Variants in RAI14 observed in about 807,000 individuals in gnomAD.
RAI14 encodes retinoic acid induced 14, also known as ankycorbin.
RAI14 carries 45 observed loss-of-function variants against 115.4 expected under a neutral mutation model. The observed-to-expected ratio is 0.39, with a 90% CI of 0.31 to 0.50. The LOEUF is 0.50. Ranked by LOEUF, RAI14 falls within the 20% of genes least tolerant of loss-of-function variation. The pLI, the probability that RAI14 is intolerant of heterozygous loss-of-function variation, is 0.85. For synonymous variants in RAI14, 371 were observed against 415.4 expected, an observed-to-expected ratio of 0.89 and a Z score of 1.30; for missense variants, 939 against 1,131.2, an observed-to-expected ratio of 0.83 and a Z score of 2.44.
intron 2 of RAI14, among the ~76,000 whole-genome samples, chr5:34,713,837 G>A (rs750619512): frequency 2.0e-5 from 3 of 151,934 alleles, no homozygotes; most frequent in African/African-American, 4.8e-5. Flanking sequence ...ATGGAGTCTC[G>A]CTCTGTCACC....
At chr5:34,782,665 C>T (rs1281488139) in intron 3 of RAI14, among the ~76,000 whole-genome samples, 8 of 152,150 alleles carry the variant, frequency 5.3e-5, no homozygotes, top group Non-Finnish European at 1.2e-4. Flanking sequence ...ATGTTTAGCT[C>T]CTACAGTGGG....
intron 2 of RAI14, among the ~76,000 whole-genome samples, chr5:34,749,610 C>T (rs1746732940): frequency 6.6e-6 from 1 of 152,192 alleles, no homozygotes; most frequent in Non-Finnish European, 1.5e-5. Context: ...AAGAGAAAAC[C>T]TTTAAGTAAG....
intron 5 of RAI14, among the ~76,000 whole-genome samples, chr5:34,805,430 C>CT (rs1754759930): frequency 6.6e-6 from 1 of 152,216 alleles, no homozygotes; most frequent in Admixed American, 6.5e-5. Flanking sequence ...GCTCTCCAGG[C>CT]TTTTGCTCTT....
At chr5:34,790,799 ATATT>A (rs1752837491) in intron 3 of RAI14, among the ~76,000 whole-genome samples, 1 of 149,822 alleles carries the variant, frequency 6.7e-6, no homozygotes, top group African/African-American at 2.4e-5. Flanking sequence ...ATAGTATAGA[ATATT>A]TAGTAAATTT....
intron 3 of RAI14, among the ~76,000 whole-genome samples, chr5:34,760,007 TTTG>T (rs947327120): frequency 2.6e-5 from 4 of 152,246 alleles, no homozygotes; most frequent in Non-Finnish European, 4.4e-5. Context: ...GGAGTGCTTC[TTTG>T]TTGTTGTTGT....
At chr5:34,672,358 G>A (rs1743678565) in intron 1 of RAI14, among the ~76,000 whole-genome samples, 1 of 152,186 alleles carries the variant, frequency 6.6e-6, no homozygotes, top group Non-Finnish European at 1.5e-5. Context: ...TTAGATGCAA[G>A]GTATGTAGGT....
At chr5:34,804,562 G>A (rs1013733184) in intron 5 of RAI14, among the ~76,000 whole-genome samples, 4 of 152,162 alleles carry the variant, frequency 2.6e-5, no homozygotes, top group African/African-American at 9.7e-5. Flanking sequence ...CTTTAATTTG[G>A]CTTTGAAATT....
At chr5:34,785,968 G>T (rs547219802) in intron 3 of RAI14, among the ~76,000 whole-genome samples, 5 of 152,064 alleles carry the variant, frequency 3.3e-5, no homozygotes, top group Admixed American at 1.3e-4. Flanking sequence ...TATCATCCCC[G>T]CTGGCAAGGG....
In RAI14 at chr5:34,813,663, A is replaced by G. The variant is rs543847464; in HGVS notation, c.852+3A>G. The G allele has an allele frequency of 6.3e-7, 1 of 1,597,468 alleles. No individual in the cohort carries two copies. Among genetic ancestry groups the G allele is most frequent in the African/African-American group, 1.3e-5 (1 of 74,404 alleles). The stretch of plus-strand genomic sequence containing the variant: ...CACCTCCTATCAGTCCTACCCAGGT[A>G]AAAACAAAAGCAAACCAACAATCAA... On this transcript the variant is annotated splice_donor_region_variant and intron_variant, in intron 11 of 17. Transcript: ENST00000265109.
intron 3 of RAI14, among the ~76,000 whole-genome samples, chr5:34,787,848 G>T (rs1752476792): frequency 8.0e-6 from 1 of 124,470 alleles, no homozygotes; most frequent in South Asian, 2.5e-4. Flanking sequence ...TATATACATT[G>T]CCTTTAATGG....
intron 2 of RAI14, among the ~76,000 whole-genome samples, chr5:34,703,365 G>A (rs1400932821): frequency 1.3e-5 from 2 of 152,142 alleles, no homozygotes; most frequent in African/African-American, 4.8e-5. Context: ...AACCACTTAA[G>A]TAAAAATTTG....
At chr5:34,680,522 AC>A (rs767601631) in intron 1 of RAI14, among the ~76,000 whole-genome samples, 12 of 152,190 alleles carry the variant, frequency 7.9e-5, no homozygotes, top group South Asian at 4.1e-4. Context: ...ATCCCTTAAT[AC>A]TATTACATTG....
intron 2 of RAI14, among the ~76,000 whole-genome samples, chr5:34,718,858 G>T (rs1406233482): frequency 6.6e-6 from 1 of 152,182 alleles, no homozygotes; most frequent in Non-Finnish European, 1.5e-5. Context: ...CGCAGGAAAG[G>T]TGGCACTTAA....
intron 1 of RAI14, among the ~76,000 whole-genome samples, chr5:34,666,007 A>G (rs1743180521): frequency 6.6e-6 from 1 of 152,204 alleles, no homozygotes; most frequent in African/African-American, 2.4e-5. Flanking sequence ...TATGCAATGA[A>G]AAGGTGGTTT....
At chr5:34,795,608 A>G (rs1349976563) in intron 3 of RAI14, among the ~76,000 whole-genome samples, 2 of 152,220 alleles carry the variant, frequency 1.3e-5, no homozygotes, top group Non-Finnish European at 2.9e-5. Context: ...TAGAAATTCA[A>G]CCTAGTTGGG....
chr5:34,781,625 T>G (rs1355215240), intron 3 of RAI14, among the ~76,000 whole-genome samples: 1 of 152,224 alleles, frequency 6.6e-6, no homozygotes, highest in African/African-American at 2.4e-5. Flanking sequence ...AAATTGGAGC[T>G]CTCATGAATT....
intron 3 of RAI14, among the ~76,000 whole-genome samples, chr5:34,762,678 C>T (rs1381388517): frequency 2.0e-5 from 3 of 152,130 alleles, no homozygotes; most frequent in South Asian, 2.1e-4. Flanking sequence ...TCAGGCCTGG[C>T]GTGCCTCTGC....
At chr5:34,762,542 A>G (rs1378784469) in intron 3 of RAI14, among the ~76,000 whole-genome samples, 1 of 152,226 alleles carries the variant, frequency 6.6e-6, no homozygotes, top group Non-Finnish European at 1.5e-5. Flanking sequence ...GTTAAAAAAA[A>G]AGTAAAAGCA....
Position 34,731,508 on chromosome 5 carries a change from G to A in RAI14, c.37-25960G>A, listed in dbSNP as rs543652795. Among the ~76,000 whole-genome samples the A allele has an allele frequency of 2.0e-5, 3 of 152,278 alleles. No homozygotes were observed. In the East Asian group the frequency reaches 5.8e-4, roughly 29 times the overall value. ...AACGGGCAAGAGAAAATGGCCTTGG[G>A]ACTTTTGACCTGTGGAAGTTTTGCA... On this transcript the variant is annotated intron_variant, in intron 2 of 17. Coordinates refer to ENST00000265109, the MANE Select transcript of RAI14 (RefSeq NM_015577.3).
Sources: allele counts gnomAD v4.1 joint callset (sites outside exome capture counted in the v4.1 genomes callset), GRCh38; gene constraint gnomAD v4.1.1; transcripts MANE v1.5; gene names NCBI Gene and HGNC (gene_info 2026-07-23, HGNC 2026-07-21).